The following LIPA variants were observed in gnomAD, a reference collection of about 807,000 sequenced individuals.
The protein encoded by LIPA is lipase A, lysosomal acid type.
Under a neutral mutation model 40.6 loss-of-function variants are expected in LIPA, and 26 were observed. The observed-to-expected ratio is 0.64, with a 90% confidence interval of 0.47 to 0.89. LIPA has a LOEUF of 0.89. Ranked by LOEUF, LIPA falls within the 40% of genes least tolerant of loss-of-function variation. The pLI, the probability that LIPA is intolerant of heterozygous loss-of-function variation, is 0.00. For missense variants in LIPA, 455 were observed against 479.6 expected (o/e 0.95, Z 0.48); for synonymous variants, 188 against 168.4 (o/e 1.12, Z -0.90).
intron 1 of LIPA, among the ~76,000 whole-genome samples, chr10:89,320,875 G>A (rs530228487): frequency 6.6e-6 from 1 of 151,900 alleles, no homozygotes; most frequent in Non-Finnish European, 1.5e-5. Context: ...CAGAGATATA[G>A]ACCAATGGAA....
intron 1 of LIPA, chr10:89,305,944 T>C: frequency 6.4e-7 from 1 of 1,564,382 alleles, no homozygotes; most frequent in Non-Finnish European, 8.8e-7. Flanking sequence ...AAGTCCATCT[T>C]TGTGTTTTTC....
intron 1 of LIPA, among the ~76,000 whole-genome samples, chr10:89,282,385 C>T (rs997901902): frequency 6.6e-6 from 1 of 152,132 alleles, no homozygotes; most frequent in Non-Finnish European, 1.5e-5. Flanking sequence ...TGCGTGTAAT[C>T]TCAGCACTTT....
intron 2 of LIPA, among the ~76,000 whole-genome samples, chr10:89,355,047 C>CA (rs1168448086): frequency 1.3e-5 from 2 of 152,018 alleles, no homozygotes; most frequent in East Asian, 3.8e-4. Flanking sequence ...ATCAGACATG[C>CA]AAAAAACCTG....
At chr10:89,311,536 A>C (rs976074002) in intron 1 of LIPA, among the ~76,000 whole-genome samples, 17 of 151,626 alleles carry the variant, frequency 1.1e-4, no homozygotes, top group African/African-American at 3.9e-4. Context: ...AAAAAAAAAA[A>C]AAAAAAAAAC....
At chr10:89,226,052 G>A (rs1007671765) in intron 5 of LIPA, among the ~76,000 whole-genome samples, 2 of 152,110 alleles carry the variant, frequency 1.3e-5, no homozygotes, top group Admixed American at 6.5e-5. Context: ...GCATGAAAAC[G>A]AATTAATACA....
chr10:89,339,818 T>TA, intron 1 of LIPA: 1 of 1,614,144 alleles, frequency 6.2e-7, no homozygotes, highest in South Asian at 1.1e-5. Context: ...GGTTTGTCCA[T>TA]AAGCAAAAAA....
intron 3 of LIPA, among the ~76,000 whole-genome samples, chr10:89,243,594 A>T (rs1564763247): frequency 2.3e-5 from 1 of 44,174 alleles, no homozygotes; most frequent in East Asian, 4.6e-4. Context: ...ACAGAGGTTA[A>T]AAAAAAAAAA....
intron 1 of LIPA, chr10:89,278,508 G>A (rs905883997): frequency 6.6e-6 from 1 of 152,212 alleles, no homozygotes; most frequent in African/African-American, 2.4e-5. Flanking sequence ...AAACATCTGT[G>A]ATAGGAAGCA....
intron 1 of LIPA, chr10:89,309,341 A>G (rs1440364024): frequency 6.6e-6 from 1 of 152,254 alleles, no homozygotes. Flanking sequence ...AAAGAATAGG[A>G]AGAGACAAGA....
chr10:89,331,653 G>T (rs1333462745), intron 1 of LIPA, among the ~76,000 whole-genome samples: 1 of 151,980 alleles, frequency 6.6e-6, no homozygotes, highest in Admixed American at 6.6e-5. Context: ...GAGCTCAGGA[G>T]TTGGAGACCA....
chr10:89,340,125 C>G, intron 1 of LIPA: 2 of 1,585,338 alleles, frequency 1.3e-6, no homozygotes, highest in Non-Finnish European at 1.7e-6. Context: ...AGCAACTGAA[C>G]TGAGACAGAG....
upstream of LIPA, among the ~76,000 whole-genome samples, chr10:89,344,731 A>G (rs543340059): frequency 1.3e-5 from 2 of 152,342 alleles, no homozygotes; most frequent in Non-Finnish European, 2.9e-5. Flanking sequence ...CACTTTTTAC[A>G]TAGTTCTCAA....
At chr10:89,342,666 G>A (rs1843883324) in exon 1 of LIPA, 1 of 152,166 alleles carries the variant, frequency 6.6e-6, no homozygotes, top group Non-Finnish European at 1.5e-5. Flanking sequence ...CAGCATCTTT[G>A]TACAGCTCAG....
intron 1 of LIPA, among the ~76,000 whole-genome samples, chr10:89,267,529 T>C (rs1843242703): frequency 8.0e-6 from 1 of 125,746 alleles, no homozygotes; most frequent in South Asian, 2.5e-4. Context: ...AATTGAACAA[T>C]GAGATCACAT....
intron 1 of LIPA, among the ~76,000 whole-genome samples, chr10:89,267,900 T>C (rs1243501070): frequency 2.0e-5 from 3 of 152,166 alleles, no homozygotes; most frequent in Non-Finnish European, 4.4e-5. Context: ...CCTCCCACTT[T>C]ATAGGGCAGG....
In LIPA at chr10:89,392,969, G is replaced by A. The variant is rs1010833268; in HGVS notation, c.61+19822C>T. ...CCTCATGCTATAGCCCAAAGAAGGG[G>A]AGGGAAATGGGAAAAGAGTTTTGCA... On this transcript the variant is annotated intron_variant, in intron 2 of 8. Transcript: ENST00000371837. The A allele has an allele frequency of 3.9e-5, 26 of 668,802 alleles. No individual in the cohort carries two copies. The African/African-American group carries it at 4.0e-4, about 10-fold the overall frequency. 41.4% of individuals were successfully genotyped at this position (668,802 alleles called of 1,614,324 possible). A position where few individuals can be genotyped will look rare whatever the true frequency, so the allele number is the denominator to read the frequency against.
intron 3 of LIPA, among the ~76,000 whole-genome samples, chr10:89,238,879 G>T (rs1313206265): frequency 2.1e-4 from 32 of 152,274 alleles, no homozygotes; most frequent in Admixed American, 2.1e-3. Context: ...GAATGCAAAA[G>T]TTATATGCAG....
intron 1 of LIPA, among the ~76,000 whole-genome samples, chr10:89,323,716 T>C (rs1234983588): frequency 4.6e-5 from 7 of 151,960 alleles, no homozygotes; most frequent in Non-Finnish European, 8.8e-5. Flanking sequence ...TACCTAGAAA[T>C]ACAGCTAACG....
chr10:89,240,844 G>T (rs7074555), intron 3 of LIPA, among the ~76,000 whole-genome samples: 1 of 152,014 alleles, frequency 6.6e-6, no homozygotes, highest in Non-Finnish European at 1.5e-5. Context: ...CTATTAAATC[G>T]CAATGTCACA....
Sources: gnomAD v4.1 joint callset for allele counts (sites outside exome capture counted in the v4.1 genomes callset) on GRCh38, gnomAD v4.1.1 for gene constraint, MANE v1.5 for transcripts, NCBI Gene and HGNC (gene_info 2026-07-23, HGNC 2026-07-21) for gene names.